Variants in AGBL1 observed in about 807,000 individuals in gnomAD.
AGBL1 encodes the protein AGBL carboxypeptidase 1.
AGBL1 carries 130 observed loss-of-function variants against 118.9 expected under a neutral mutation model. The observed-to-expected ratio is 1.09, with a 90% confidence interval of 0.95 to 1.26. AGBL1 has a LOEUF of 1.26. Among genes scored for constraint, AGBL1 ranks in the 50% most tolerant of loss-of-function variants. The pLI, the probability that AGBL1 is intolerant of heterozygous loss-of-function variation, is 0.00. For synonymous variants in AGBL1, 555 were observed against 478.9 expected (o/e 1.16, Z -2.08); for missense variants, 1,584 against 1,298.1 (o/e 1.22, Z -3.38).
chr15:86,564,311 T>G lies in AGBL1; in HGVS notation c.2994+9774T>G, dbSNP rs188608569. Reference sequence around the variant, plus strand: ...GTTTAGTGCTTCCTTCAGGAGCTCTTGTAGGGCAGGCCTGGAGGTGACACA... The same window carrying G: ...GTTTAGTGCTTCCTTCAGGAGCTCTGGTAGGGCAGGCCTGGAGGTGACACA... On this transcript the variant is annotated intron_variant, in intron 21 of 22. Coordinates refer to ENST00000614907, the MANE Select transcript of AGBL1 (RefSeq NM_001386094.1). 3.6e-4 allele frequency among the ~76,000 whole-genome samples: 55 copies of G among 152,352 alleles called. No individual in the cohort carries two copies. The East Asian group carries it at 0.011, about 29-fold the overall frequency.
chr15:86,736,975 C>G (rs892812105), intron 22 of AGBL1, among the ~76,000 whole-genome samples: 1 of 152,180 alleles, frequency 6.6e-6, no homozygotes, highest in Non-Finnish European at 1.5e-5. Flanking sequence ...GGCAAAGATC[C>G]TAGCTTGTAA....
chr15:86,464,318 A>C (rs1327832530), intron 18 of AGBL1, among the ~76,000 whole-genome samples: 1 of 152,172 alleles, frequency 6.6e-6, no homozygotes, highest in East Asian at 1.9e-4. Context: ...GAAGTTGCTT[A>C]TGAGCTTAAG....
At chr15:87,021,759 G>T (rs1218158130) in intron 24 of AGBL1, among the ~76,000 whole-genome samples, 1 of 152,082 alleles carries the variant, frequency 6.6e-6, no homozygotes, top group African/African-American at 2.4e-5. Context: ...TGGGAGGCAG[G>T]ACTAGACTGC....
At chr15:86,564,625 C>T (rs968236549) in intron 21 of AGBL1, among the ~76,000 whole-genome samples, 1 of 152,152 alleles carries the variant, frequency 6.6e-6, no homozygotes, top group Non-Finnish European at 1.5e-5. Context: ...TTGCTCTTCT[C>T]AAGGAATATC....
chr15:86,995,948 C>T (rs560904329), intron 24 of AGBL1, among the ~76,000 whole-genome samples: 6 of 152,252 alleles, frequency 3.9e-5, no homozygotes, highest in Admixed American at 2.6e-4. Context: ...ATTCGAAACA[C>T]TAATGGAAAA....
At chr15:87,004,210 C>T (rs2081472387) in intron 24 of AGBL1, among the ~76,000 whole-genome samples, 2 of 152,146 alleles carry the variant, frequency 1.3e-5, no homozygotes, top group Non-Finnish European at 2.9e-5. Context: ...TTTCTGCCTT[C>T]ATTTCGTTAT....
chr15:86,956,945 A>T (rs540874115), intron 23 of AGBL1, among the ~76,000 whole-genome samples: 2 of 152,252 alleles, frequency 1.3e-5, no homozygotes, highest in East Asian at 3.9e-4. Flanking sequence ...TACAGAATGA[A>T]TTAAAACGGT....
chr15:86,618,551 C>A (rs1169711394), intron 21 of AGBL1, among the ~76,000 whole-genome samples: 1 of 152,194 alleles, frequency 6.6e-6, no homozygotes, highest in Non-Finnish European at 1.5e-5. Flanking sequence ...AGGGAATCTG[C>A]ATTTAATTAG....
Position 86,710,995 on chromosome 15 carries a change from G to A in AGBL1, c.3158+36559G>A, listed in dbSNP as rs533774588. Among the ~76,000 whole-genome samples, 3 of 152,238 alleles carry A rather than the reference G, an allele frequency of 2.0e-5. 1 individual carries two copies. Among genetic ancestry groups the A allele is most frequent in the South Asian group, 4.1e-4 (2 of 4,820 alleles). On this transcript the variant is annotated intron_variant, in intron 22 of 22. Transcript: ENST00000614907. Reference sequence around the variant, plus strand: ...AAAGTTCAGGGCTCAACATATAGCAGGTTTCCATGGGATGATTTTTCTCAC... The same window carrying A: ...AAAGTTCAGGGCTCAACATATAGCAAGTTTCCATGGGATGATTTTTCTCAC...
At chr15:86,520,940 C>T (rs979527095) in intron 18 of AGBL1, among the ~76,000 whole-genome samples, 9 of 152,200 alleles carry the variant, frequency 5.9e-5, no homozygotes, top group African/African-American at 2.2e-4. Flanking sequence ...TCATATTTTA[C>T]CTTCATCCTT....
Position 86,080,148 on chromosome 15 carries a change from A to G in AGBL1, c.51+125A>G, listed in dbSNP as rs146438735. 1,573 of 664,216 alleles carry G rather than the reference A, an allele frequency of 2.4e-3. 27 individuals are homozygous for G. In the African/African-American group the frequency reaches 0.026, roughly 11 times the overall value. 41.1% of individuals were successfully genotyped at this position (664,216 alleles called of 1,614,324 possible). The stretch of plus-strand genomic sequence containing the variant: ...GGCCCAGTTTGTTAACAGCAAGAGA[A>G]CAGGAGTCGGCTCTCACCTTGAAGC... On this transcript the variant is annotated intron_variant, in intron 1 of 22. Coordinates refer to ENST00000614907, the MANE Select transcript of AGBL1 (RefSeq NM_001386094.1).
At chr15:86,546,351 C>A (rs1209562191) in intron 20 of AGBL1, among the ~76,000 whole-genome samples, 1 of 151,872 alleles carries the variant, frequency 6.6e-6, no homozygotes, top group Non-Finnish European at 1.5e-5. Flanking sequence ...GTTGCTTTGC[C>A]CCTGTTTTCT....
intron 21 of AGBL1, among the ~76,000 whole-genome samples, chr15:86,670,901 A>C (rs183036091): frequency 2.0e-5 from 3 of 152,012 alleles, no homozygotes; most frequent in Admixed American, 2.0e-4. Context: ...GTGAGTTATC[A>C]AGAAAAGTTG....
chr15:86,111,508 G>T (rs1315089744), intron 1 of AGBL1, among the ~76,000 whole-genome samples: 1 of 152,184 alleles, frequency 6.6e-6, no homozygotes, highest in East Asian at 1.9e-4. Flanking sequence ...TGACACACAG[G>T]CAAGGAACAA....
In AGBL1 at chr15:86,381,647, A is replaced by T. The variant is rs368254878; in HGVS notation, c.2375-15719A>T. On this transcript the variant is annotated intron_variant, in intron 17 of 22. Transcript: ENST00000614907. ...GAACAGGCACAGGAGAACTTAATTC[A>T]GTCTCTAAAGGAGGAAAGAAGGAAA... 7.4e-4 allele frequency among the ~76,000 whole-genome samples: 113 copies of T among 152,316 alleles called. 1 individual carries two copies. Among genetic ancestry groups the T allele is most frequent in the African/African-American group, 2.5e-3 (103 of 41,578 alleles).
intron 17 of AGBL1, among the ~76,000 whole-genome samples, chr15:86,320,917 T>G (rs535543895): frequency 1.3e-5 from 2 of 152,316 alleles, no homozygotes; most frequent in South Asian, 4.1e-4. Context: ...GATTTTATAG[T>G]GTTAAACTGT....
chr15:86,760,618 C>G (rs2078010151), intron 22 of AGBL1, among the ~76,000 whole-genome samples: 1 of 152,088 alleles, frequency 6.6e-6, no homozygotes, highest in Admixed American at 6.6e-5. Flanking sequence ...GCTGCTGCCA[C>G]AAGAGGTAAA....
Position 86,159,035 on chromosome 15 carries a change from T to A in AGBL1, c.488+9T>A. 1.2e-6 allele frequency: 2 copies of A among 1,611,450 alleles called. No homozygotes were observed. The highest frequency in any genetic ancestry group is 8.5e-7 in the Non-Finnish European group (1 of 1,177,862). On this transcript the variant is annotated intron_variant, in intron 5 of 22. Coordinates refer to ENST00000614907, the MANE Select transcript of AGBL1 (RefSeq NM_001386094.1). ...CGCACCCAAGCAATCAGGTACAGAGTGCCATGTAATACTTCTGCCCCTTTT... is the reference window on the plus strand; with the variant it reads ...CGCACCCAAGCAATCAGGTACAGAGAGCCATGTAATACTTCTGCCCCTTTT...
chr15:86,364,956 CACATATAT>C lies in AGBL1; in HGVS notation c.2375-32408_2375-32401del, dbSNP rs147801211. Among the ~76,000 whole-genome samples the C allele has an allele frequency of 3.0e-3, 267 of 89,522 alleles. 10 individuals are homozygous for C. The highest frequency in any genetic ancestry group is 0.017 in the South Asian group (49 of 2,912). The allele number at this position is 89,522 out of a possible 152,430, so 58.7% of individuals were successfully genotyped here. A position where few individuals can be genotyped will look rare whatever the true frequency, so the allele number is the denominator to read the frequency against. On this transcript the variant is annotated intron_variant, in intron 17 of 22. Coordinates refer to ENST00000614907, the MANE Select transcript of AGBL1 (RefSeq NM_001386094.1). ...AGGAGCCGCATTGATTTATATGTCA[CACATATAT>C]ATATATATATATATATATATATATA...
Sources: gnomAD v4.1 joint callset for allele counts (sites outside exome capture counted in the v4.1 genomes callset) on GRCh38, gnomAD v4.1.1 for gene constraint, MANE v1.5 for transcripts, NCBI Gene and HGNC (gene_info 2026-07-23, HGNC 2026-07-21) for gene names.